TBC1D19: variants seen among roughly 807,000 people sequenced by gnomAD.
TBC1D19 encodes TBC1 domain family member 19, also known as TBC1 domain family, member 19.
Under a neutral mutation model 89.0 loss-of-function variants are expected in TBC1D19, and 60 were observed. That is an observed-to-expected ratio of 0.67 (90% CI 0.55 to 0.84). TBC1D19 has a LOEUF of 0.84. TBC1D19 is among the 40% of genes least tolerant of loss of function. TBC1D19 has a pLI of 0.00. For missense variants in TBC1D19, 500 were observed against 610.8 expected, an observed-to-expected ratio of 0.82 and a Z score of 1.91; for synonymous variants, 189 against 199.7, an observed-to-expected ratio of 0.95 and a Z score of 0.45.
At chr4:26,842,661 CCTTT>C in the TBC1D19 span, among the ~76,000 whole-genome samples, 2 of 106,070 alleles carry the variant, frequency 1.9e-5, no homozygotes, top group Non-Finnish European at 3.9e-5. Flanking sequence ...TTTCTTCTTT[CCTTT>C]CTTTCTCTTA....
At chr4:26,603,470 A>C (rs1740765472) in intron 1 of TBC1D19, among the ~76,000 whole-genome samples, 1 of 152,200 alleles carries the variant, frequency 6.6e-6, no homozygotes, top group South Asian at 2.1e-4. Context: ...ACTGCTTAAA[A>C]ATTTTGGTAT....
chr4:26,582,412 C>T (rs1164285668), upstream of TBC1D19, among the ~76,000 whole-genome samples: 3 of 152,194 alleles, frequency 2.0e-5, no homozygotes, highest in Admixed American at 6.5e-5. Flanking sequence ...TTCTGCTCTA[C>T]AGCTTCATCC....
chr4:26,844,895 C>T, the TBC1D19 span, among the ~76,000 whole-genome samples: 1 of 152,170 alleles, frequency 6.6e-6, no homozygotes, highest in Non-Finnish European at 1.5e-5. Flanking sequence ...AACCACAGTT[C>T]AGATTGGCTG....
chr4:26,630,884 C>A (rs1410392597), intron 4 of TBC1D19, among the ~76,000 whole-genome samples: 1 of 151,980 alleles, frequency 6.6e-6, no homozygotes, highest in African/African-American at 2.4e-5. Flanking sequence ...ATGGATACCA[C>A]TTAATTAAGA....
rs1267777897 is a variant in TBC1D19, at chr4:26,753,808, A to C, written c.1436-12A>C. Reference sequence around the variant, plus strand: ...TAGGCCAGCAGTTGAAGTAGTGTGCATTCTTTTCCAGTGCTGGCAGCTGCC... The same window carrying C: ...TAGGCCAGCAGTTGAAGTAGTGTGCCTTCTTTTCCAGTGCTGGCAGCTGCC... On this transcript the variant is annotated splice_polypyrimidine_tract_variant and intron_variant, in intron 19 of 20. Transcript: ENST00000264866. 6.2e-7 allele frequency: 1 copy of C among 1,613,758 alleles called. No individual in the cohort carries two copies.
At chr4:26,702,548 A>G (rs924805359) in intron 13 of TBC1D19, among the ~76,000 whole-genome samples, 2 of 152,232 alleles carry the variant, frequency 1.3e-5, no homozygotes, top group African/African-American at 2.4e-5. Flanking sequence ...AGTAAGTACT[A>G]TAGGAGTATG....
chr4:26,786,362 C>G, the TBC1D19 span, among the ~76,000 whole-genome samples: 1 of 152,126 alleles, frequency 6.6e-6, no homozygotes, highest in Non-Finnish European at 1.5e-5. Flanking sequence ...CAGCCGGGCA[C>G]GGTGGCTCAC....
At chr4:26,813,035 T>G in the TBC1D19 span, among the ~76,000 whole-genome samples, 294 of 152,040 alleles carry the variant, frequency 1.9e-3, no homozygotes, top group African/African-American at 6.8e-3. Flanking sequence ...CTGGACAACA[T>G]GATTAGGCCT....
At chr4:26,717,136 T>C (rs1716680260) in intron 13 of TBC1D19, among the ~76,000 whole-genome samples, 3 of 152,094 alleles carry the variant, frequency 2.0e-5, no homozygotes, top group African/African-American at 7.2e-5. Context: ...ACAAGGATTT[T>C]TCCTCTCCCT....
rs777971778 is a variant in TBC1D19, at chr4:26,584,251, A to G, written c.58A>G (p.Lys20Glu). Residue 20 changes from lysine to glutamate, a missense_variant, in exon 1 of 21, where the codon AAG becomes GAG. Around this residue, in one of 2 missense-constraint regions of TBC1D19, gnomAD observed 280 missense variants for 291.7 expected, o/e 0.96. Transcript: ENST00000264866. The part of the protein sequence containing the change: ...LIIAQIVQKL[K>E]GSNLYSQLER... ...TATTGCCCAGATAGTCCAAAAGCTCAAGGGCTCCAATTTGTACTCTCAGCT... is the reference window on the plus strand; with the variant it reads ...TATTGCCCAGATAGTCCAAAAGCTCGAGGGCTCCAATTTGTACTCTCAGCT... The G allele has an allele frequency of 2.3e-5, 37 of 1,612,638 alleles. No homozygotes were observed. In the Middle Eastern group the frequency reaches 6.6e-4, roughly 29 times the overall value.
chr4:26,723,258 T>G (rs1360382020), intron 15 of TBC1D19, among the ~76,000 whole-genome samples: 3 of 151,816 alleles, frequency 2.0e-5, no homozygotes, highest in Non-Finnish European at 2.9e-5. Context: ...GTCAATCTAC[T>G]CTCCCCCGCT....
chr4:26,853,818 AG>A, the TBC1D19 span, among the ~76,000 whole-genome samples: 6 of 152,214 alleles, frequency 3.9e-5, no homozygotes, highest in African/African-American at 1.4e-4. Context: ...TACAGGCGTG[AG>A]CCACCGCGCC....
rs373178949 is a variant in TBC1D19, at chr4:26,755,068, C to G, written c.*121C>G. 6.5e-5 allele frequency: 54 copies of G among 832,140 alleles called. No individual in the cohort carries two copies. Among genetic ancestry groups the G allele is most frequent in the East Asian group, 3.5e-4 (12 of 34,764 alleles). The allele number at this position is 832,140 out of a possible 1,614,324, so 51.5% of individuals were successfully genotyped here. On this transcript the variant is annotated 3_prime_UTR_variant, in exon 21 of 21. Coordinates refer to ENST00000264866, the MANE Select transcript of TBC1D19 (RefSeq NM_018317.4). ...TATAAGCCAATAAAGATCATGTTCCCTCTTCAGTTAAACCTAAGTAGTTTC... is the reference window on the plus strand; with the variant it reads ...TATAAGCCAATAAAGATCATGTTCCGTCTTCAGTTAAACCTAAGTAGTTTC...
the TBC1D19 span, among the ~76,000 whole-genome samples, chr4:26,832,129 G>A: frequency 6.6e-6 from 1 of 152,194 alleles, no homozygotes; most frequent in Non-Finnish European, 1.5e-5. Flanking sequence ...AACTCCACAT[G>A]CCAAATCTTC....
chr4:26,626,312 C>T (rs920125703), intron 4 of TBC1D19, among the ~76,000 whole-genome samples: 2 of 152,122 alleles, frequency 1.3e-5, no homozygotes, highest in African/African-American at 4.8e-5. Flanking sequence ...TTGGGAAATA[C>T]TTTGCTACGC....
intron 7 of TBC1D19, among the ~76,000 whole-genome samples, chr4:26,652,151 C>T (rs1415456423): frequency 6.6e-6 from 1 of 151,892 alleles, no homozygotes; most frequent in Non-Finnish European, 1.5e-5. Flanking sequence ...TGATGTTGAT[C>T]AGGGATATTG....
At chr4:26,732,920 C>A (rs1167515215) in intron 15 of TBC1D19, among the ~76,000 whole-genome samples, 2 of 152,140 alleles carry the variant, frequency 1.3e-5, no homozygotes, top group Non-Finnish European at 2.9e-5. Context: ...TGGCATCAGC[C>A]TCGTAGTGAG....
intron 7 of TBC1D19, among the ~76,000 whole-genome samples, chr4:26,642,493 C>T (rs1167036149): frequency 6.6e-6 from 1 of 152,146 alleles, no homozygotes; most frequent in Non-Finnish European, 1.5e-5. Flanking sequence ...TTGTAAAGAC[C>T]ATCGATGCTA....
chr4:26,672,389 T>C (rs1053643553), intron 10 of TBC1D19, among the ~76,000 whole-genome samples: 1 of 151,908 alleles, frequency 6.6e-6, no homozygotes. Flanking sequence ...TCAATAAATG[T>C]CAGAGAAAGA....
Sources: gnomAD v4.1 joint callset for allele counts (sites outside exome capture counted in the v4.1 genomes callset) on GRCh38, gnomAD v4.1.1 for gene constraint, gnomAD v4.1.1 regional missense constraint, MANE v1.5 for transcripts, NCBI Gene and HGNC (gene_info 2026-07-23, HGNC 2026-07-21) for gene names.